Variants in SAMD11 observed in about 807,000 individuals in gnomAD.
SAMD11 encodes the protein sterile alpha motif domain containing 11, also known as sterile alpha motif domain-containing protein 11.
In SAMD11, 77 loss-of-function variants were observed where a neutral mutation model predicts 64.4. That is an observed-to-expected ratio of 1.20 (90% confidence interval 0.99 to 1.44). The LOEUF is 1.44. SAMD11 is among the 40% of genes most tolerant of loss of function. SAMD11 has a pLI of 0.00. For synonymous variants in SAMD11, 658 were observed against 421.9 expected (o/e 1.56, Z -6.86); for missense variants, 1,402 against 943.3 (o/e 1.49, Z -6.37).
At chr1:929,595 C>T (rs1030439265) in intron 2 of SAMD11, among the ~76,000 whole-genome samples, 21 of 152,172 alleles carry the variant, frequency 1.4e-4, no homozygotes, top group African/African-American at 3.4e-4. Flanking sequence ...TCACAAAGTA[C>T]GGGTGGGATT....
In SAMD11 at chr1:933,954, G is replaced by A. The variant is rs184313849; in HGVS notation, c.843-1818G>A. Among the ~76,000 whole-genome samples the A allele has an allele frequency of 5.7e-4, 85 of 150,170 alleles. 19 individuals are homozygous for A. Among genetic ancestry groups the A allele is most frequent in the South Asian group, 8.4e-4 (4 of 4,782 alleles). ...TTAGGGTAGGCTCCTAGGTCACTGC[G>A]CAGGACTGCTCCGTTACAGGTGGGC... On this transcript the variant is annotated intron_variant, in intron 4 of 13. Coordinates refer to ENST00000616016, the MANE Select transcript of SAMD11 (RefSeq NM_001385641.1).
chr1:930,610 G>A (rs538628044), intron 3 of SAMD11, among the ~76,000 whole-genome samples: 26 of 152,336 alleles, frequency 1.7e-4, no homozygotes, highest in Non-Finnish European at 1.8e-4. Flanking sequence ...CTGGGCCGAC[G>A]CTCCAGCTAC....
At chr1:928,262 G>C (rs1207109584) in intron 2 of SAMD11, among the ~76,000 whole-genome samples, 2 of 152,200 alleles carry the variant, frequency 1.3e-5, no homozygotes, top group Non-Finnish European at 1.5e-5. Context: ...CGTGGTGGCG[G>C]GTGCCTGTAG....
intron 7 of SAMD11, among the ~76,000 whole-genome samples, chr1:939,747 C>G (rs2100345415): frequency 6.6e-6 from 1 of 152,318 alleles, no homozygotes; most frequent in African/African-American, 2.4e-5. Context: ...AGAGCAAGCT[C>G]CTGGACCCTG....
intron 5 of SAMD11, among the ~76,000 whole-genome samples, chr1:937,369 G>A (rs994200123): frequency 2.0e-5 from 3 of 151,532 alleles, no homozygotes; most frequent in Middle Eastern, 3.4e-3. Flanking sequence ...GCCTTCCTGC[G>A]GTCTCATTGC....
At chr1:933,114 C>G (rs1263534511) in intron 4 of SAMD11, among the ~76,000 whole-genome samples, 1 of 152,246 alleles carries the variant, frequency 6.6e-6, no homozygotes, top group Admixed American at 6.5e-5. Flanking sequence ...CACAGAGACT[C>G]TCAGGGGCTT....
Position 942,481 on chromosome 1 carries a change from C to G in SAMD11, c.1546C>G (p.Leu516Val). 6.7e-7 allele frequency: 1 copy of G among 1,485,276 alleles called. No individual in the cohort carries two copies. Among genetic ancestry groups the G allele is most frequent in the African/African-American group, 1.5e-5 (1 of 68,832 alleles). The allele number at this position is 1,485,276 out of a possible 1,614,324, so 92.0% of individuals were successfully genotyped here. ...WQQELLRKQNLARLELPADLL... is the reference protein window; with the variant it reads ...WQQELLRKQNVARLELPADLL... The stretch of plus-strand genomic sequence containing the variant: ...GCAGGAGCTCCTGCGGAAGCAGAAC[C>G]TGGCCCGGTAGGTGCGGGGAGGCGG... Residue 516 changes from leucine to valine, a missense_variant, in exon 10 of 14, where the codon CTG becomes GTG. By Grantham distance (32) the Leu-to-Val change is conservative. Coordinates refer to ENST00000616016, the MANE Select transcript of SAMD11 (RefSeq NM_001385641.1).
At chr1:925,857 C>T (rs1431345646) in intron 1 of SAMD11, 65 bp from the exon 2 acceptor site, 2 of 1,217,864 alleles carry the variant, frequency 1.6e-6, no homozygotes, top group East Asian at 2.3e-5. Flanking sequence ...GGTACTGGCC[C>T]TGCCGCTGAC....
At chr1:938,415 G>T (rs1035242295) in intron 5 of SAMD11, among the ~76,000 whole-genome samples, 1 of 152,212 alleles carries the variant, frequency 6.6e-6, no homozygotes, top group African/African-American at 2.4e-5. Flanking sequence ...CTGGGCTGGT[G>T]GACAAGGGCA....
intron 7 of SAMD11, chr1:940,605 T>A (rs113591768): frequency 6.6e-6 from 1 of 152,306 alleles, no homozygotes; most frequent in Non-Finnish European, 1.5e-5. Flanking sequence ...TGCGTGCGCA[T>A]TGGGGCGAGT....
chr1:936,042 TTG>T, intron 5 of SAMD11, 146 bp downstream of exon 5: 2 of 860,204 alleles, frequency 2.3e-6, no homozygotes, highest in Non-Finnish European at 3.5e-6. Context: ...GGGATGGTAA[TTG>T]TGTTAATCCC....
chr1:939,423 ACC>A lies in SAMD11; in HGVS notation c.1195+13_1195+14del. On this transcript the variant is annotated intron_variant, in intron 7 of 13. Transcript: ENST00000616016. ...GCCTCCCCAGCCACGGTGAGGACCC[ACC>A]CTGGCATGATCCCCCTCATCACCTC... is the stretch of plus-strand genomic sequence containing the variant. 1.4e-6 allele frequency: 2 copies of A among 1,440,938 alleles called. No individual in the cohort carries two copies. Among genetic ancestry groups the A allele is most frequent in the South Asian group, 2.4e-5 (2 of 81,948 alleles). The allele number at this position is 1,440,938 out of a possible 1,614,324, so 89.3% of individuals were successfully genotyped here.
At chr1:940,714 C>G (rs888019018) in intron 7 of SAMD11, among the ~76,000 whole-genome samples, 1 of 152,248 alleles carries the variant, frequency 6.6e-6, no homozygotes, top group South Asian at 2.1e-4. Flanking sequence ...TTGTGACAAG[C>G]TTTGGCCAGC....
rs566564035 is a variant in SAMD11, at chr1:943,238, C to A, written c.2054-15C>A. 5 of 1,612,478 alleles carry A rather than the reference C, an allele frequency of 3.1e-6. No individual in the cohort carries two copies. Among genetic ancestry groups the A allele is most frequent in the Middle Eastern group, 3.3e-4 (2 of 6,078 alleles). ...AAAGCCAGCCAGAGCCCTAGTAACA[C>A]GCCCCACAACTCAGGCGCGGTAGGG... is the stretch of plus-strand genomic sequence containing the variant. On this transcript the variant is annotated splice_polypyrimidine_tract_variant and intron_variant, in intron 11 of 13. Coordinates refer to ENST00000616016, the MANE Select transcript of SAMD11 (RefSeq NM_001385641.1).
intron 8 of SAMD11, 35 bp from the exon 9 acceptor site, chr1:942,101 G>T (rs749359682): frequency 2.3e-5 from 14 of 618,930 alleles, no homozygotes; most frequent in East Asian, 1.7e-4. Context: ...GAACGGGGGC[G>T]GGGGGGACGC....
chr1:929,316 G>A (rs1641057192), intron 2 of SAMD11, among the ~76,000 whole-genome samples: 1 of 152,236 alleles, frequency 6.6e-6, no homozygotes, highest in African/African-American at 2.4e-5. Flanking sequence ...CGTTCCGTGG[G>A]TGCAAAGGAG....
At chr1:932,267 G>A (rs1400912450) in intron 4 of SAMD11, among the ~76,000 whole-genome samples, 2 of 152,094 alleles carry the variant, frequency 1.3e-5, no homozygotes, top group Non-Finnish European at 2.9e-5. Context: ...CGGTCCCCCC[G>A]ACCCCGCTCC....
intron 8 of SAMD11, among the ~76,000 whole-genome samples, chr1:941,896 C>T (rs1557609426): frequency 6.6e-6 from 1 of 152,016 alleles, no homozygotes; most frequent in Non-Finnish European, 1.5e-5. Flanking sequence ...GGGCCGGCGC[C>T]CCGCGCAGTA....
intron 4 of SAMD11, among the ~76,000 whole-genome samples, chr1:935,453 G>C (rs1253905147): frequency 1.3e-5 from 2 of 151,536 alleles, no homozygotes; most frequent in African/African-American, 4.9e-5. Flanking sequence ...GACCCCCTTT[G>C]AGGCAGGGAG....
Sources: gnomAD v4.1 joint callset for allele counts (sites outside exome capture counted in the v4.1 genomes callset) on GRCh38, gnomAD v4.1.1 for gene constraint, MANE v1.5 for transcripts, NCBI Gene and HGNC (gene_info 2026-07-23, HGNC 2026-07-21) for gene names.